The following DLGAP2 variants were observed in gnomAD, a reference collection of about 807,000 sequenced individuals.
DLGAP2 encodes the protein disks large-associated protein 2.
Under a neutral mutation model 100.3 loss-of-function variants are expected in DLGAP2, and 26 were observed. The observed-to-expected ratio is 0.26, with a 90% CI of 0.19 to 0.36. The LOEUF (loss-of-function observed/expected upper bound fraction) is 0.36, where lower values mean the gene tolerates loss of function less well. DLGAP2 is among the 10% of genes least tolerant of loss of function. The pLI, the probability that DLGAP2 is intolerant of heterozygous loss-of-function variation, is 1.00. For missense variants in DLGAP2, 1,858 were observed against 1,453.2 expected (o/e 1.28, Z -4.53); for synonymous variants, 886 against 630.1 (o/e 1.41, Z -6.08).
chr8:813,674 C>A (rs1279297727), intron 1 of DLGAP2, among the ~76,000 whole-genome samples: 1 of 152,182 alleles, frequency 6.6e-6, no homozygotes, highest in Non-Finnish European at 1.5e-5. Context: ...GGGGCCTGCT[C>A]TGCTGAACTT....
chr8:1,344,116 C>G (rs13273757), intron 3 of DLGAP2, among the ~76,000 whole-genome samples: 27 of 57,252 alleles, frequency 4.7e-4, no homozygotes, highest in East Asian at 1.8e-3. Context: ...TCCATGTATT[C>G]GGGGCCCTGT....
chr8:916,296 C>A (rs1191546888), intron 2 of DLGAP2, among the ~76,000 whole-genome samples: 1 of 152,120 alleles, frequency 6.6e-6, no homozygotes, highest in African/African-American at 2.4e-5. Flanking sequence ...CTCATGAAAC[C>A]ATCGGATTAA....
chr8:1,299,562 C>A (rs553182794), intron 3 of DLGAP2, among the ~76,000 whole-genome samples: 1 of 152,196 alleles, frequency 6.6e-6, no homozygotes, highest in Non-Finnish European at 1.5e-5. Context: ...AGAATTCACT[C>A]GCACCTTTGG....
chr8:1,165,444 G>A (rs1273477511), intron 2 of DLGAP2, among the ~76,000 whole-genome samples: 1 of 152,222 alleles, frequency 6.6e-6, no homozygotes, highest in African/African-American at 2.4e-5. Context: ...CTCAAAGTGT[G>A]CATGTGTGTC....
intron 5 of DLGAP2, among the ~76,000 whole-genome samples, chr8:1,553,777 G>A (rs1324543194): frequency 6.6e-6 from 1 of 152,196 alleles, no homozygotes; most frequent in Non-Finnish European, 1.5e-5. Context: ...GCCATTCTCT[G>A]AACGACGTGT....
intron 3 of DLGAP2, among the ~76,000 whole-genome samples, chr8:1,465,505 G>A (rs73672725): frequency 0.025 from 3,834 of 152,158 alleles, 135 homozygotes; most frequent in African/African-American, 0.087. Flanking sequence ...CATGTTTGGT[G>A]GTTTATTATA....
In DLGAP2 at chr8:1,307,116, C is replaced by T. The variant is rs567047435; in HGVS notation, c.106+48233C>T. On this transcript the variant is annotated intron_variant, in intron 3 of 14. Coordinates refer to ENST00000637795, the MANE Select transcript of DLGAP2 (RefSeq NM_001346810.2). ...AAAGGGATGGAATGGGAGTAGATAT[C>T]ATATATCAAAATTCAAATCATATAT... Among the ~76,000 whole-genome samples, 15 of 152,170 alleles carry T rather than the reference C, an allele frequency of 9.9e-5. No individual in the cohort carries two copies. In the South Asian group the frequency reaches 2.9e-3, roughly 30 times the overall value.
At chr8:1,227,548 C>T (rs369561241) in intron 2 of DLGAP2, among the ~76,000 whole-genome samples, 46 of 151,102 alleles carry the variant, frequency 3.0e-4, no homozygotes, top group African/African-American at 1.1e-3. Flanking sequence ...GACTGGAGTG[C>T]AGTGGCACAA....
At chr8:1,200,302 T>C (rs1797842951) in intron 2 of DLGAP2, among the ~76,000 whole-genome samples, 1 of 152,218 alleles carries the variant, frequency 6.6e-6, no homozygotes. Context: ...TCCGGGGTCC[T>C]GCGTGTTCTT....
chr8:1,530,462 C>G (rs1800953069), intron 4 of DLGAP2, among the ~76,000 whole-genome samples: 2 of 152,100 alleles, frequency 1.3e-5, no homozygotes, highest in African/African-American at 4.8e-5. Flanking sequence ...TCATATTGCT[C>G]AAACACACAT....
chr8:1,564,916 A>G (rs1265156979), intron 5 of DLGAP2, among the ~76,000 whole-genome samples: 3 of 152,164 alleles, frequency 2.0e-5, no homozygotes, highest in African/African-American at 4.8e-5. Context: ...GACATATAAC[A>G]TGCGTGGGTG....
At chr8:1,050,904 C>G (rs894553140) in intron 2 of DLGAP2, among the ~76,000 whole-genome samples, 1 of 149,538 alleles carries the variant, frequency 6.7e-6, no homozygotes, top group Non-Finnish European at 1.5e-5. Context: ...GGCCTTAGAT[C>G]GAGAGAGGCT....
chr8:1,532,984 G>C (rs1801033308), intron 4 of DLGAP2, among the ~76,000 whole-genome samples: 1 of 152,000 alleles, frequency 6.6e-6, no homozygotes, highest in South Asian at 2.1e-4. Context: ...GCATTCACCT[G>C]CACTTCTGTC....
At chr8:1,353,127 C>G (rs55888395) in intron 3 of DLGAP2, among the ~76,000 whole-genome samples, 1,942 of 152,268 alleles carry the variant, frequency 0.013, 17 homozygotes, top group Non-Finnish European at 0.017. Flanking sequence ...TTGCAAATCC[C>G]TAAGGGTGTC....
At chr8:1,220,034 G>A (rs4534146) in intron 2 of DLGAP2, among the ~76,000 whole-genome samples, 48,890 of 151,724 alleles carry the variant, frequency 0.32, 8,152 homozygotes, top group South Asian at 0.51. Flanking sequence ...TGGTCTATCA[G>A]TATTATTTCT....
intron 4 of DLGAP2, among the ~76,000 whole-genome samples, chr8:1,501,927 A>G (rs1207800587): frequency 6.6e-6 from 1 of 152,190 alleles, no homozygotes; most frequent in African/African-American, 2.4e-5. Context: ...GCTGGTTCAA[A>G]TCACGTGGAA....
chr8:813,919 G>C (rs1414468245), intron 1 of DLGAP2, among the ~76,000 whole-genome samples: 3 of 152,140 alleles, frequency 2.0e-5, no homozygotes, highest in African/African-American at 4.8e-5. Context: ...TCAGCGTGTA[G>C]TGATGAGGAT....
chr8:1,305,527 G>A (rs1272963548), intron 3 of DLGAP2, among the ~76,000 whole-genome samples: 1 of 152,100 alleles, frequency 6.6e-6, no homozygotes, highest in Non-Finnish European at 1.5e-5. Flanking sequence ...GTGGCCTGAA[G>A]GACGAATGCA....
At chr8:1,381,228 A>G (rs1796086536) in intron 3 of DLGAP2, 1 of 152,134 alleles carries the variant, frequency 6.6e-6, no homozygotes, top group African/African-American at 2.4e-5. Context: ...AGGACATTTA[A>G]CCTCACCACC....
Sources: gnomAD v4.1 joint callset for allele counts (sites outside exome capture counted in the v4.1 genomes callset) on GRCh38, gnomAD v4.1.1 for gene constraint, MANE v1.5 for transcripts, NCBI Gene and HGNC (gene_info 2026-07-23, HGNC 2026-07-21) for gene names.